The following KLRD1 variants were observed in gnomAD, a reference collection of about 807,000 sequenced individuals.
The protein encoded by KLRD1 is natural killer cells antigen CD94.
KLRD1 carries 21 observed loss-of-function variants against 22.6 expected under a neutral mutation model. The observed-to-expected ratio is 0.93, with a 90% CI of 0.66 to 1.34. KLRD1 has a LOEUF of 1.34. Among genes scored for constraint, KLRD1 ranks in the 40% most tolerant of loss-of-function variants. The pLI, the probability that KLRD1 is intolerant of heterozygous loss-of-function variation, is 0.00. For synonymous variants in KLRD1, 59 were observed against 71.1 expected, an observed-to-expected ratio of 0.83 and a Z score of 0.85; for missense variants, 183 against 208.6, an observed-to-expected ratio of 0.88 and a Z score of 0.76.
Position 10,314,748 on chromosome 12 carries a change from CT to C in KLRD1, c.496del (p.Cys166ValfsTer31), listed in dbSNP as rs1458820192. 6.2e-7 allele frequency: 1 copy of C among 1,604,412 alleles called. No individual in the cohort carries two copies. The highest frequency in any genetic ancestry group is 8.5e-7 in the Non-Finnish European group (1 of 1,175,884). ...CAAATGGAAATGCTTTAGATGAATC[CT>C]GTGAAGATAAAAATCGTTATATCTG... is the stretch of plus-strand genomic sequence containing the variant. ...NPNGNALDES[C>X]EDKNRYICKQ... is the part of the protein sequence containing the mutation. On this transcript the variant is annotated frameshift_variant, in exon 6 of 6. Coordinates refer to ENST00000336164, the MANE Select transcript of KLRD1 (RefSeq NM_002262.5). LOFTEE classifies it low-confidence loss of function (END_TRUNC).
At chr12:10,296,455 G>C (rs765752472) in intron 1 of KLRD1, among the ~76,000 whole-genome samples, 4 of 152,152 alleles carry the variant, frequency 2.6e-5, no homozygotes, top group Non-Finnish European at 4.4e-5. Context: ...GGTGGAGCTT[G>C]CAGTGAGCCG....
intron 1 of KLRD1, among the ~76,000 whole-genome samples, chr12:10,281,115 C>A (rs185339550): frequency 2.0e-4 from 30 of 152,238 alleles, no homozygotes; most frequent in Non-Finnish European, 3.7e-4. Context: ...TCAAAGTCAG[C>A]TTAAAATGTA....
chr12:10,284,579 T>G (rs1949681959), intron 1 of KLRD1, among the ~76,000 whole-genome samples: 1 of 152,242 alleles, frequency 6.6e-6, no homozygotes, highest in Non-Finnish European at 1.5e-5. Flanking sequence ...ATAGCGTGAA[T>G]CATCAAATGC....
intron 1 of KLRD1, among the ~76,000 whole-genome samples, chr12:10,282,451 T>C (rs954136962): frequency 1.2e-4 from 18 of 152,140 alleles, no homozygotes; most frequent in Non-Finnish European, 2.5e-4. Context: ...GAGATGGGGT[T>C]TCTCCATGTT....
At chr12:10,292,422 C>T (rs192671717) in intron 1 of KLRD1, among the ~76,000 whole-genome samples, 137 of 152,278 alleles carry the variant, frequency 9.0e-4, no homozygotes, top group African/African-American at 3.0e-3. Flanking sequence ...CCTTGATTCA[C>T]GGACTGCCGA....
At chr12:10,261,036 T>C (rs551366534) in intron 1 of KLRD1, among the ~76,000 whole-genome samples, 2 of 152,344 alleles carry the variant, frequency 1.3e-5, no homozygotes, top group South Asian at 4.1e-4. Flanking sequence ...TTGCTCTTTA[T>C]GTGCATTTTT....
intron 1 of KLRD1, among the ~76,000 whole-genome samples, chr12:10,239,609 T>C (rs1049944064): frequency 6.7e-6 from 1 of 149,396 alleles, no homozygotes; most frequent in Non-Finnish European, 1.5e-5. Context: ...TTCTCTCTCT[T>C]TCTTTCTTCT....
At chr12:10,312,436 T>G (rs1198587249) in intron 4 of KLRD1, among the ~76,000 whole-genome samples, 2 of 151,258 alleles carry the variant, frequency 1.3e-5, no homozygotes, top group Non-Finnish European at 2.9e-5. Context: ...TGGAGTGCAG[T>G]GGCGTGATCT....
intron 1 of KLRD1, among the ~76,000 whole-genome samples, chr12:10,256,673 TTTA>T (rs1289082065): frequency 1.1e-4 from 16 of 151,970 alleles, no homozygotes; most frequent in African/African-American, 3.6e-4. Flanking sequence ...TTAACATAGA[TTTA>T]TTATTAATTT....
chr12:10,297,525 T>C (rs1381348222), intron 1 of KLRD1, among the ~76,000 whole-genome samples: 1 of 152,192 alleles, frequency 6.6e-6, no homozygotes, highest in Non-Finnish European at 1.5e-5. Context: ...TTTTATATGC[T>C]TTCTTATTTT....
At chr12:10,287,692 A>G (rs1185068999) in intron 1 of KLRD1, among the ~76,000 whole-genome samples, 1 of 152,222 alleles carries the variant, frequency 6.6e-6, no homozygotes. Context: ...ATTTGCTAGG[A>G]CTTTAAAAAC....
At chr12:10,250,179 C>CCAAGGTG (rs1402669285) in intron 1 of KLRD1, among the ~76,000 whole-genome samples, 1 of 148,022 alleles carries the variant, frequency 6.8e-6, no homozygotes, top group Non-Finnish European at 1.5e-5. Context: ...TTACCATTTC[C>CCAAGGTG]CAAGGTGGTG....
Position 10,314,856 on chromosome 12 carries a change from G to A in KLRD1, c.*63G>A. On this transcript the variant is annotated 3_prime_UTR_variant, in exon 6 of 6. Transcript: ENST00000336164. ...CAACATTACTAACAATGATACAGTTGCATGTTATATTATTACTAATTGTCT... is the reference window on the plus strand; with the variant it reads ...CAACATTACTAACAATGATACAGTTACATGTTATATTATTACTAATTGTCT... The A allele has an allele frequency of 7.0e-7, 1 of 1,430,368 alleles. No individual in the cohort carries two copies. The highest frequency in any genetic ancestry group is 9.5e-7 in the Non-Finnish European group (1 of 1,049,530). The allele number at this position is 1,430,368 out of a possible 1,614,324, so 88.6% of individuals were successfully genotyped here.
At chr12:10,290,176 G>T (rs972517944) in intron 1 of KLRD1, among the ~76,000 whole-genome samples, 1 of 152,180 alleles carries the variant, frequency 6.6e-6, no homozygotes, top group African/African-American at 2.4e-5. Flanking sequence ...TAACTGCAAA[G>T]GCATTGGACA....
At chr12:10,312,256 T>C (rs982623507) in intron 4 of KLRD1, among the ~76,000 whole-genome samples, 16 of 152,018 alleles carry the variant, frequency 1.1e-4, no homozygotes, top group Admixed American at 3.3e-4. Flanking sequence ...TTCACCGTAT[T>C]GGCGAGGCTG....
intron 5 of KLRD1, 39 bp from the exon 6 acceptor site, chr12:10,314,634 T>G: frequency 6.6e-7 from 1 of 1,506,108 alleles, no homozygotes; most frequent in Non-Finnish European, 8.8e-7. Flanking sequence ...CATTCTTACT[T>G]CCTTTTTGTG....
chr12:10,286,472 G>A (rs1290357680), intron 1 of KLRD1, among the ~76,000 whole-genome samples: 1 of 151,792 alleles, frequency 6.6e-6, no homozygotes, highest in Non-Finnish European at 1.5e-5. Context: ...AATCTTAAAG[G>A]GGTTATGTAA....
At chr12:10,311,413 A>G in intron 3 of KLRD1, 51 bp from the exon 4 acceptor site, 1 of 1,547,800 alleles carries the variant, frequency 6.5e-7, no homozygotes, top group Non-Finnish European at 8.8e-7. Flanking sequence ...TAGCATTGAA[A>G]AAAATGTCTA....
chr12:10,298,564 G>A (rs1001297973), intron 1 of KLRD1, among the ~76,000 whole-genome samples: 4 of 152,210 alleles, frequency 2.6e-5, no homozygotes, highest in African/African-American at 4.8e-5. Flanking sequence ...TGACATGCTC[G>A]TGATGGCCTT....
Sources: gnomAD v4.1 joint callset for allele counts (sites outside exome capture counted in the v4.1 genomes callset) on GRCh38, gnomAD v4.1.1 for gene constraint, MANE v1.5 for transcripts, NCBI Gene and HGNC (gene_info 2026-07-23, HGNC 2026-07-21) for gene names.